The following KHDRBS2 variants were observed in gnomAD, a reference collection of about 807,000 sequenced individuals.
The protein encoded by KHDRBS2 is KH RNA binding domain containing, signal transduction associated 2.
KHDRBS2 carries 26 observed loss-of-function variants against 44.3 expected under a neutral mutation model. That is an observed-to-expected ratio of 0.59 (90% CI 0.43 to 0.81). The LOEUF is 0.81. Ranked by LOEUF, KHDRBS2 falls within the 40% of genes least tolerant of loss-of-function variation. KHDRBS2 has a pLI of 0.00. For synonymous variants in KHDRBS2, 194 were observed against 151.1 expected (o/e 1.28, Z -2.08); for missense variants, 476 against 433.1 (o/e 1.10, Z -0.88).
chr6:62,045,636 T>A (rs1476652400), intron 3 of KHDRBS2, among the ~76,000 whole-genome samples: 2 of 152,112 alleles, frequency 1.3e-5, no homozygotes, highest in African/African-American at 4.8e-5. Flanking sequence ...ATGTGTTCAA[T>A]AAATAATCAA....
the KHDRBS2 span, among the ~76,000 whole-genome samples, chr6:61,671,458 A>T: frequency 6.6e-6 from 1 of 151,690 alleles, no homozygotes. Context: ...CTGTTTTCTC[A>T]ATTCCTCTCA....
chr6:61,924,450 T>C (rs1287615855), intron 4 of KHDRBS2, among the ~76,000 whole-genome samples: 1 of 152,112 alleles, frequency 6.6e-6, no homozygotes, highest in Non-Finnish European at 1.5e-5. Context: ...CTACAATTTC[T>C]AATCAGGTTA....
chr6:61,864,106 G>A lies in KHDRBS2; in HGVS notation c.810+30529C>T, dbSNP rs528316919. On this transcript the variant is annotated intron_variant, in intron 6 of 8. Transcript: ENST00000281156. ...TTGTTTTATCAGAAACTGGGATTGC[G>A]ATCCCTCTTTTTTCCTGTTTTCCAT... Among the ~76,000 whole-genome samples the A allele has an allele frequency of 1.4e-4, 21 of 152,032 alleles. No individual in the cohort carries two copies. In the East Asian group the frequency reaches 2.1e-3, roughly 15 times the overall value.
chr6:61,934,670 A>G (rs1810703903), intron 4 of KHDRBS2, among the ~76,000 whole-genome samples: 1 of 152,198 alleles, frequency 6.6e-6, no homozygotes, highest in Non-Finnish European at 1.5e-5. Flanking sequence ...TATATTAGAA[A>G]CTAAAAGAAA....
chr6:62,133,884 C>A (rs984335370), intron 2 of KHDRBS2, among the ~76,000 whole-genome samples: 1 of 152,070 alleles, frequency 6.6e-6, no homozygotes, highest in Non-Finnish European at 1.5e-5. Flanking sequence ...TTTAGGGTAT[C>A]CGGTGGAAGA....
intron 4 of KHDRBS2, among the ~76,000 whole-genome samples, chr6:61,932,910 T>C (rs1274555328): frequency 2.6e-5 from 4 of 152,238 alleles, no homozygotes. Context: ...TGGTAGGATT[T>C]CATTCTTTTT....
chr6:62,175,045 T>C (rs1820803184), intron 2 of KHDRBS2, among the ~76,000 whole-genome samples: 1 of 151,654 alleles, frequency 6.6e-6, no homozygotes, highest in Non-Finnish European at 1.5e-5. Context: ...AAAATATGGT[T>C]TGTTTTCAAA....
chr6:61,675,201 T>C (rs1245841863), downstream of KHDRBS2, among the ~76,000 whole-genome samples: 1 of 151,764 alleles, frequency 6.6e-6, no homozygotes, highest in Admixed American at 6.6e-5. Flanking sequence ...AAAAGCATTG[T>C]AGCTTTTAAA....
intron 1 of KHDRBS2, among the ~76,000 whole-genome samples, chr6:62,281,635 T>TA (rs1489628386): frequency 6.6e-6 from 1 of 152,044 alleles, no homozygotes; most frequent in Non-Finnish European, 1.5e-5. Flanking sequence ...TAAAATAAAA[T>TA]AAATTTTTAA....
intron 7 of KHDRBS2, 103 bp downstream of exon 7, chr6:61,732,579 A>G: frequency 4.1e-6 from 3 of 725,438 alleles, no homozygotes; most frequent in Non-Finnish European, 4.9e-6. Context: ...GAGAAAAAAC[A>G]CTACTAGAAA....
intron 3 of KHDRBS2, among the ~76,000 whole-genome samples, chr6:61,990,552 GA>G (rs545398890): frequency 2.6e-5 from 4 of 151,900 alleles, no homozygotes; most frequent in Non-Finnish European, 5.9e-5. Flanking sequence ...GAACTACAAA[GA>G]AAAAAATCAA....
At chr6:61,965,847 C>T (rs1283245606) in intron 4 of KHDRBS2, among the ~76,000 whole-genome samples, 1 of 151,818 alleles carries the variant, frequency 6.6e-6, no homozygotes, top group Non-Finnish European at 1.5e-5. Flanking sequence ...TGGAAGGAGA[C>T]GTTTGAGTGA....
chr6:61,893,219 G>A (rs1802304139), intron 6 of KHDRBS2, among the ~76,000 whole-genome samples: 1 of 152,208 alleles, frequency 6.6e-6, no homozygotes, highest in Admixed American at 6.5e-5. Flanking sequence ...ACACCAGTTA[G>A]AATGGCAATC....
intron 6 of KHDRBS2, among the ~76,000 whole-genome samples, chr6:61,814,239 A>G (rs1788552835): frequency 6.6e-6 from 1 of 152,204 alleles, no homozygotes; most frequent in Non-Finnish European, 1.5e-5. Flanking sequence ...CTTCTATTTT[A>G]GTATTATGTT....
At chr6:62,142,589 C>T (rs1019271130) in intron 2 of KHDRBS2, among the ~76,000 whole-genome samples, 1 of 151,822 alleles carries the variant, frequency 6.6e-6, no homozygotes, top group Non-Finnish European at 1.5e-5. Context: ...TAGAACACCA[C>T]AATGAAATAA....
At chr6:62,006,116 C>T (rs1490654978) in intron 3 of KHDRBS2, among the ~76,000 whole-genome samples, 2 of 151,904 alleles carry the variant, frequency 1.3e-5, no homozygotes, top group East Asian at 1.9e-4. Flanking sequence ...GAATAAATCT[C>T]GTGCAGGATA....
At chr6:62,281,987 C>G (rs771559399) in intron 1 of KHDRBS2, among the ~76,000 whole-genome samples, 3 of 152,088 alleles carry the variant, frequency 2.0e-5, no homozygotes, top group Non-Finnish European at 4.4e-5. Context: ...TATCCCAAGT[C>G]TATTGGGAGA....
intron 4 of KHDRBS2, among the ~76,000 whole-genome samples, chr6:61,931,900 G>A (rs1380350930): frequency 2.6e-5 from 4 of 151,902 alleles, no homozygotes; most frequent in African/African-American, 9.7e-5. Flanking sequence ...TCAACATGAA[G>A]ACAACAAGGA....
At chr6:62,155,771 C>T (rs1053584525) in intron 2 of KHDRBS2, among the ~76,000 whole-genome samples, 2 of 152,100 alleles carry the variant, frequency 1.3e-5, no homozygotes, top group African/African-American at 4.8e-5. Flanking sequence ...ATCCGTTTTC[C>T]ACAGTTTACA....
Sources: gnomAD v4.1 joint callset for allele counts (sites outside exome capture counted in the v4.1 genomes callset) on GRCh38, gnomAD v4.1.1 for gene constraint, MANE v1.5 for transcripts, NCBI Gene and HGNC (gene_info 2026-07-23, HGNC 2026-07-21) for gene names.